The following SKP2 variants were observed in gnomAD, a reference collection of about 807,000 sequenced individuals.
The protein encoded by SKP2 is S-phase kinase-associated protein 2.
SKP2 carries 16 observed loss-of-function variants against 51.8 expected under a neutral mutation model. The ratio of observed to expected loss-of-function variants is 0.31; its 90% CI spans 0.21 to 0.47. SKP2 has a LOEUF of 0.47. SKP2 is among the 20% of genes least tolerant of loss of function. The probability of loss-of-function intolerance (pLI) is 1.00; values close to 1 mark genes in which losing one functional copy is unlikely to be tolerated. For synonymous variants in SKP2, 176 were observed against 198.6 expected (o/e 0.89, Z 0.96); for missense variants, 377 against 505.3 (o/e 0.75, Z 2.43).
downstream of SKP2, among the ~76,000 whole-genome samples, chr5:36,185,591 C>T (rs1475272297): frequency 5.3e-5 from 8 of 151,986 alleles, no homozygotes; most frequent in Non-Finnish European, 7.4e-5. Context: ...CTGAGGGCTC[C>T]GTTCTGTTCC....
chr5:36,164,531 A>G (rs1745225620), intron 3 of SKP2, among the ~76,000 whole-genome samples: 1 of 152,192 alleles, frequency 6.6e-6, no homozygotes, highest in South Asian at 2.1e-4. Context: ...CTTTGTGTTT[A>G]AAGGCCATCC....
At chr5:36,180,318 A>T in intron 9 of SKP2, 2 of 1,202,372 alleles carry the variant, frequency 1.7e-6, no homozygotes, top group Non-Finnish European at 2.3e-6. Context: ...GTATCTGTGT[A>T]TACTGTGATC....
At chr5:36,191,198 T>TC (rs1447792374) in intron 6 of SKP2, among the ~76,000 whole-genome samples, 1 of 152,066 alleles carries the variant, frequency 6.6e-6, no homozygotes, top group Non-Finnish European at 1.5e-5. Flanking sequence ...GGGGTGATTT[T>TC]CCCCCACCCA....
chr5:36,174,186 T>A (rs934575606), intron 7 of SKP2, among the ~76,000 whole-genome samples: 1 of 152,174 alleles, frequency 6.6e-6, no homozygotes, highest in Non-Finnish European at 1.5e-5. Context: ...CTTCTGTAGC[T>A]GAAATCATCT....
At chr5:36,176,911 C>A in intron 7 of SKP2, 54 bp from the exon 8 acceptor site, 1 of 1,171,980 alleles carries the variant, frequency 8.5e-7, no homozygotes, top group Non-Finnish European at 1.2e-6. Flanking sequence ...TAACAAATAT[C>A]CTTGTCTTGT....
rs747461239 is a variant in SKP2, at chr5:36,183,908, C to T, written c.*1877C>T. On this transcript the variant is annotated 3_prime_UTR_variant, in exon 10 of 10. Transcript: ENST00000274255. ...ATCGGATGCCCTCAAACATACAGAA[C>T]TTCCAAACTCAAGTCCAGCCATAAG... is the stretch of plus-strand genomic sequence containing the variant. 1.1e-5 allele frequency: 18 copies of T among 1,611,270 alleles called. No individual in the cohort carries two copies. The highest frequency in any genetic ancestry group is 1.5e-5 in the Non-Finnish European group (18 of 1,179,524).
intron 6 of SKP2, among the ~76,000 whole-genome samples, chr5:36,171,387 G>A (rs1745467684): frequency 6.6e-6 from 1 of 152,132 alleles, no homozygotes; most frequent in African/African-American, 2.4e-5. Flanking sequence ...CGAGGAGGAG[G>A]CACATTCACT....
In SKP2 at chr5:36,152,934, A is replaced by G; in HGVS notation, c.172A>G (p.Asn58Asp). Residue 58 changes from asparagine to aspartate, a missense_variant, in exon 2 of 10, where the codon AAC (asparagine) becomes GAC (aspartate). Physicochemically the swap from Asn to Asp is conservative, Grantham distance 23. Around this residue, in one of 2 missense-constraint regions of SKP2, gnomAD observed 115 missense variants for 115.5 expected, o/e 1.00. Transcript: ENST00000274255. ...GAACATCCCCCAGGAACTGCTCTCA[A>G]ACCTGGGCCACCCGGAGAGCCCCCC... is the stretch of plus-strand genomic sequence containing the variant. ...SENIPQELLS[N>D]LGHPESPPRK... The G allele has an allele frequency of 6.2e-7, 1 of 1,614,122 alleles. No homozygotes were observed. Among genetic ancestry groups the G allele is most frequent in the Non-Finnish European group, 8.5e-7 (1 of 1,180,030 alleles).
intron 9 of SKP2, among the ~76,000 whole-genome samples, chr5:36,179,792 C>G (rs1005793161): frequency 2.0e-5 from 3 of 152,100 alleles, no homozygotes; most frequent in African/African-American, 7.2e-5. Flanking sequence ...AATAATGGCT[C>G]TTGAACTACT....
intron 2 of SKP2, among the ~76,000 whole-genome samples, chr5:36,158,249 T>C (rs1355406044): frequency 1.3e-5 from 2 of 152,208 alleles, no homozygotes; most frequent in African/African-American, 4.8e-5. Flanking sequence ...TTCCTTCCGC[T>C]CTCTGCAAAC....
chr5:36,165,700 T>A (rs1433943547), intron 3 of SKP2, among the ~76,000 whole-genome samples: 1 of 152,172 alleles, frequency 6.6e-6, no homozygotes, highest in Non-Finnish European at 1.5e-5. Context: ...CTCTGGCCAG[T>A]GGTCCACTTA....
intron 2 of SKP2, among the ~76,000 whole-genome samples, chr5:36,153,295 T>C (rs867838375): frequency 8.6e-5 from 13 of 151,788 alleles, no homozygotes; most frequent in African/African-American, 3.2e-4. Context: ...GAGAAGACAT[T>C]CCTGCCTTTT....
intron 7 of SKP2, among the ~76,000 whole-genome samples, chr5:36,176,517 T>C (rs1205593791): frequency 6.6e-6 from 1 of 151,730 alleles, no homozygotes; most frequent in Non-Finnish European, 1.5e-5. Flanking sequence ...ATGTGGAATG[T>C]ATTTAAATAT....
Position 36,182,031 on chromosome 5 carries a change from AAGTATTTATTGC to A in SKP2, c.*3_*14del. ...CACTGCAAAAGCCCAGTTGTCTATG[AAGTATTTATTGC>A]AGGATGGTGTCTCTTCTTTAGAACA... On this transcript the variant is annotated 3_prime_UTR_variant, in exon 10 of 10. Coordinates refer to ENST00000274255, the MANE Select transcript of SKP2 (RefSeq NM_005983.4). The A allele has an allele frequency of 6.2e-7, 1 of 1,614,006 alleles. No homozygotes were observed. The highest frequency in any genetic ancestry group is 8.5e-7 in the Non-Finnish European group (1 of 1,179,928).
intron 6 of SKP2, among the ~76,000 whole-genome samples, chr5:36,190,615 T>TCACC (rs1201165956): frequency 7.0e-6 from 1 of 142,866 alleles, no homozygotes; most frequent in African/African-American, 2.7e-5. Flanking sequence ...TTCTTGAATA[T>TCACC]CACCCAATTG....
chr5:36,178,063 A>G (rs1745691126), intron 9 of SKP2, among the ~76,000 whole-genome samples: 1 of 151,928 alleles, frequency 6.6e-6, no homozygotes, highest in South Asian at 2.1e-4. Flanking sequence ...TGGGAATCAT[A>G]TCTTGTTTGA....
downstream of SKP2, among the ~76,000 whole-genome samples, chr5:36,185,234 CT>C (rs747152383): frequency 1.2e-4 from 18 of 152,256 alleles, no homozygotes; most frequent in East Asian, 3.9e-4. Context: ...ATGGTAGTTT[CT>C]TTTGCTGTGC....
rs569572053 is a variant in SKP2 at position 36,153,338 on chromosome 5, A to T, written c.280+296A>T. 5.1e-4 allele frequency among the ~76,000 whole-genome samples: 78 copies of T among 152,224 alleles called. 1 individual carries two copies. In the South Asian group the frequency reaches 0.016, roughly 31 times the overall value. ...AAGGGAATCTGCCTGCCTCAAGGCC[A>T]GCTCAGTTTCACCGTTTAACAGAAA... On this transcript the variant is annotated intron_variant, in intron 2 of 9. Transcript: ENST00000274255.
chr5:36,162,010 T>A (rs1745135420), intron 2 of SKP2, among the ~76,000 whole-genome samples: 1 of 152,168 alleles, frequency 6.6e-6, no homozygotes, highest in Admixed American at 6.6e-5. Context: ...TATGTAAGAG[T>A]TTCATACTTG....
Sources: allele counts gnomAD v4.1 joint callset (sites outside exome capture counted in the v4.1 genomes callset), GRCh38; gene constraint gnomAD v4.1.1; regional missense constraint gnomAD v4.1.1; transcripts MANE v1.5; gene names NCBI Gene and HGNC (gene_info 2026-07-23, HGNC 2026-07-21).